DDHD1: variants seen among roughly 807,000 people sequenced by gnomAD.
DDHD1 encodes phospholipase DDHD1.
A neutral mutation model predicts 96.4 loss-of-function variants in DDHD1; 49 were observed. The ratio of observed to expected loss-of-function variants is 0.51; its 90% CI spans 0.40 to 0.64. DDHD1 has a LOEUF of 0.64. Among genes scored for constraint, DDHD1 ranks in the 30% least tolerant of loss-of-function variants. DDHD1 has a pLI of 0.00. For synonymous variants in DDHD1, 442 were observed against 446.5 expected (o/e 0.99, Z 0.13); for missense variants, 1,106 against 1,161.2 (o/e 0.95, Z 0.69).
At chr14:53,142,382 G>C (rs1808481632) in intron 1 of DDHD1, among the ~76,000 whole-genome samples, 1 of 151,338 alleles carries the variant, frequency 6.6e-6, no homozygotes, top group Non-Finnish European at 1.5e-5. Context: ...GATCAATTAA[G>C]AGGATTCTCT....
chr14:53,068,986 T>C (rs1884288126), intron 6 of DDHD1, among the ~76,000 whole-genome samples: 1 of 152,234 alleles, frequency 6.6e-6, no homozygotes, highest in Non-Finnish European at 1.5e-5. Context: ...AGGATTCTCC[T>C]TTCTCCCCAT....
chr14:53,086,766 A>G (rs1885997884), intron 4 of DDHD1, among the ~76,000 whole-genome samples: 2 of 152,154 alleles, frequency 1.3e-5, no homozygotes, highest in African/African-American at 4.8e-5. Flanking sequence ...TAACCAGCTA[A>G]CATCATAATG....
intron 1 of DDHD1, among the ~76,000 whole-genome samples, chr14:53,140,468 T>C (rs1160029475): frequency 6.6e-6 from 1 of 151,962 alleles, no homozygotes; most frequent in East Asian, 1.9e-4. Context: ...GAGGTGGAGG[T>C]TGCAGTGAGC....
chr14:53,145,359 T>C (rs1031549456), intron 1 of DDHD1, among the ~76,000 whole-genome samples: 2 of 151,816 alleles, frequency 1.3e-5, no homozygotes, highest in African/African-American at 2.4e-5. Context: ...AAAAATTAGC[T>C]GGGCATGGTG....
At chr14:53,146,874 G>A (rs1239949273) in intron 1 of DDHD1, among the ~76,000 whole-genome samples, 1 of 149,888 alleles carries the variant, frequency 6.7e-6, no homozygotes, top group East Asian at 2.0e-4. Flanking sequence ...CTTTTAGAGT[G>A]TATTGTGGAA....
intron 1 of DDHD1, among the ~76,000 whole-genome samples, chr14:53,149,163 C>A (rs910501043): frequency 6.6e-6 from 1 of 152,086 alleles, no homozygotes. Context: ...CAAATTAGTT[C>A]AAATTTTATC....
At chr14:53,137,974 CTA>C (rs993889624) in intron 1 of DDHD1, among the ~76,000 whole-genome samples, 6 of 152,064 alleles carry the variant, frequency 3.9e-5, no homozygotes, top group Non-Finnish European at 8.8e-5. Context: ...TCATCAGAAA[CTA>C]TAGAAGTGAA....
At position 53,038,258 on chromosome 14, in the gene DDHD1, T is replaced by C. The variant is rs1256460819; in HGVS notation, c.*8510A>G. The C allele has an allele frequency of 3.9e-5, 6 of 152,160 alleles. No individual in the cohort carries two copies. Among genetic ancestry groups the C allele is most frequent in the Non-Finnish European group, 5.9e-5 (4 of 68,020 alleles). The allele number at this position is 152,160 out of a possible 1,614,324, so 9.4% of individuals were successfully genotyped here. A position where few individuals can be genotyped will look rare whatever the true frequency, so the allele number is the denominator to read the frequency against. ...AGCTCTCTTCGCTGATATGATTTTA[T>C]ACCTAGAAAACCCCGAAGACTCTGC... On this transcript the variant is annotated 3_prime_UTR_variant, in exon 13 of 13. Coordinates refer to ENST00000673822, the MANE Select transcript of DDHD1 (RefSeq NM_001160148.2).
chr14:53,098,524 A>G (rs1887058810), intron 2 of DDHD1, among the ~76,000 whole-genome samples: 1 of 152,068 alleles, frequency 6.6e-6, no homozygotes, highest in Non-Finnish European at 1.5e-5. Flanking sequence ...CTAACCTGCC[A>G]ACTATAATGA....
chr14:53,104,738 G>T (rs1887560125), intron 1 of DDHD1, among the ~76,000 whole-genome samples: 1 of 151,816 alleles, frequency 6.6e-6, no homozygotes, highest in Non-Finnish European at 1.5e-5. Flanking sequence ...AAACTATCTT[G>T]AATTCTTTAA....
chr14:53,149,924 T>C (rs1566611853), intron 1 of DDHD1: 2 of 152,252 alleles, frequency 1.3e-5, no homozygotes, highest in Admixed American at 6.5e-5. Context: ...AACCTTCTAC[T>C]GTTTGGTTCC....
chr14:53,077,020 A>G (rs1376155837), intron 4 of DDHD1, among the ~76,000 whole-genome samples: 1 of 152,306 alleles, frequency 6.6e-6, no homozygotes. Context: ...CAAACCCACA[A>G]TATCTTTGAG....
intron 6 of DDHD1, among the ~76,000 whole-genome samples, chr14:53,063,539 C>A (rs73294020): frequency 0.031 from 4,690 of 151,522 alleles, 239 homozygotes; most frequent in African/African-American, 0.1. Flanking sequence ...TCAAAGACCC[C>A]CGCAAATTTC....
chr14:53,111,181 C>T (rs760226996), intron 1 of DDHD1, among the ~76,000 whole-genome samples: 10 of 152,094 alleles, frequency 6.6e-5, no homozygotes, highest in African/African-American at 9.7e-5. Context: ...TGTGGCCGGG[C>T]GCGGTGGCTC....
chr14:53,103,493 T>G (rs1418146581), intron 2 of DDHD1, 190 bp downstream of exon 2: 4 of 497,210 alleles, frequency 8.0e-6, no homozygotes, highest in African/African-American at 2.0e-5. Flanking sequence ...CATATTAAAA[T>G]AAAAATTGAG....
chr14:53,085,310 G>C (rs1017678052), intron 4 of DDHD1, among the ~76,000 whole-genome samples: 17 of 152,310 alleles, frequency 1.1e-4, no homozygotes, highest in Admixed American at 1.0e-3. Flanking sequence ...AGAATGGACA[G>C]ATTGCCTCCT....
At chr14:53,074,320 C>A (rs1304949595) in intron 4 of DDHD1, among the ~76,000 whole-genome samples, 2 of 151,576 alleles carry the variant, frequency 1.3e-5, no homozygotes, top group African/African-American at 4.8e-5. Context: ...AGCACATGTG[C>A]AGATTTGTGA....
In DDHD1 at chr14:53,117,105, A is replaced by G. The variant is rs569657825; in HGVS notation, c.839-13249T>C. On this transcript the variant is annotated intron_variant, in intron 1 of 12. Transcript: ENST00000673822. ...CACCACTAATCCCACAGAAATACAA[A>G]CTACCATCAGATAATACCATAAACA... is the stretch of plus-strand genomic sequence containing the variant. Among the ~76,000 whole-genome samples, 18 of 152,340 alleles carry G rather than the reference A, an allele frequency of 1.2e-4. No individual in the cohort carries two copies. In the East Asian group the frequency reaches 3.5e-3, roughly 29 times the overall value.
chr14:53,073,610 GCATATCT>G, intron 5 of DDHD1, 124 bp downstream of exon 5: 1 of 652,472 alleles, frequency 1.5e-6, no homozygotes. Context: ...CAAAGGGTGA[GCATATCT>G]CAAGACAATT....
Sources: gnomAD v4.1 joint callset for allele counts (sites outside exome capture counted in the v4.1 genomes callset) on GRCh38, gnomAD v4.1.1 for gene constraint, MANE v1.5 for transcripts, NCBI Gene and HGNC (gene_info 2026-07-23, HGNC 2026-07-21) for gene names.